EYS: variants seen among roughly 807,000 people sequenced by gnomAD.
EYS encodes EGF-like photoreceptor maintenance factor, also known as protein eyes shut homolog.
A neutral mutation model predicts 282.1 loss-of-function variants in EYS; 250 were observed. The observed-to-expected ratio is 0.89, with a 90% CI of 0.80 to 0.98. The LOEUF is 0.98. Ranked by LOEUF, EYS falls within the 50% of genes least tolerant of loss-of-function variation. EYS has a pLI of 0.00. For missense variants in EYS, 4,016 were observed against 3,709.0 expected, an observed-to-expected ratio of 1.08 and a Z score of -2.15; for synonymous variants, 1,355 against 1,282.9, an observed-to-expected ratio of 1.06 and a Z score of -1.20.
At chr6:64,337,771 A>G (rs1044216153) in intron 29 of EYS, among the ~76,000 whole-genome samples, 11 of 152,070 alleles carry the variant, frequency 7.2e-5, no homozygotes, top group Admixed American at 6.6e-4. Flanking sequence ...TATCAAAAAG[A>G]TAATCCACCA....
At chr6:64,703,576 G>T (rs2149926701) in intron 22 of EYS, among the ~76,000 whole-genome samples, 1 of 151,224 alleles carries the variant, frequency 6.6e-6, no homozygotes, top group South Asian at 2.1e-4. Flanking sequence ...GGGACTACAG[G>T]TGTGCACCAC....
At chr6:64,742,090 T>C (rs1344299260) in intron 22 of EYS, among the ~76,000 whole-genome samples, 1 of 152,232 alleles carries the variant, frequency 6.6e-6, no homozygotes, top group Admixed American at 6.5e-5. Flanking sequence ...ATTTCTAGCT[T>C]TTGAGTTAAA....
At chr6:64,593,725 G>C (rs978045488) in intron 24 of EYS, among the ~76,000 whole-genome samples, 1 of 152,060 alleles carries the variant, frequency 6.6e-6, no homozygotes, top group Non-Finnish European at 1.5e-5. Flanking sequence ...ATCTGCAACA[G>C]AAAATTTGAA....
intron 10 of EYS, 111 bp from the exon 11 acceptor site, chr6:65,335,257 C>A: frequency 1.2e-6 from 1 of 806,236 alleles, no homozygotes; most frequent in South Asian, 1.4e-5. Flanking sequence ...TAAGATGAAA[C>A]CTAGGGTTAA....
At chr6:64,963,472 C>T (rs77233219) in intron 14 of EYS, among the ~76,000 whole-genome samples, 6,177 of 152,154 alleles carry the variant, frequency 0.041, 142 homozygotes, top group South Asian at 0.087. Flanking sequence ...GATAATCCAA[C>T]GACTTGAATA....
chr6:64,250,213 A>G (rs1163061682), intron 30 of EYS, among the ~76,000 whole-genome samples: 1 of 152,188 alleles, frequency 6.6e-6, no homozygotes, highest in African/African-American at 2.4e-5. Context: ...GCAATTTAGA[A>G]AAGTGGAAAC....
At chr6:64,265,518 G>T (rs1159563888) in intron 30 of EYS, among the ~76,000 whole-genome samples, 1 of 152,158 alleles carries the variant, frequency 6.6e-6, no homozygotes, top group Non-Finnish European at 1.5e-5. Context: ...AACGTCTAGA[G>T]AAGAATTGCT....
chr6:63,770,064 T>C (rs895247066), intron 40 of EYS, among the ~76,000 whole-genome samples: 4 of 152,050 alleles, frequency 2.6e-5, no homozygotes, highest in Non-Finnish European at 5.9e-5. Flanking sequence ...GAATAATGTA[T>C]TTGTATGAAA....
intron 28 of EYS, among the ~76,000 whole-genome samples, chr6:64,415,938 T>G (rs559389585): frequency 5.0e-4 from 76 of 152,328 alleles, no homozygotes; most frequent in Admixed American, 4.2e-3. Context: ...TTATAGAAAC[T>G]ATCACAGAGA....
chr6:64,677,654 G>C (rs867911904), intron 22 of EYS, among the ~76,000 whole-genome samples: 26 of 151,834 alleles, frequency 1.7e-4, no homozygotes, highest in African/African-American at 6.1e-4. Flanking sequence ...TTACTATGTT[G>C]GTTTATGAAA....
intron 7 of EYS, among the ~76,000 whole-genome samples, chr6:65,389,259 C>T (rs577032600): frequency 7.2e-5 from 11 of 152,188 alleles, no homozygotes; most frequent in African/African-American, 2.4e-4. Context: ...TCTAAAGCTG[C>T]CCCAGATTCT....
chr6:64,999,982 G>A (rs958405763), intron 13 of EYS, among the ~76,000 whole-genome samples: 5 of 152,162 alleles, frequency 3.3e-5, no homozygotes, highest in African/African-American at 1.2e-4. Flanking sequence ...AAGAACCCAG[G>A]ATACAGAAAG....
intron 29 of EYS, among the ~76,000 whole-genome samples, chr6:64,324,799 G>A (rs1247439597): frequency 6.6e-6 from 1 of 151,976 alleles, no homozygotes; most frequent in Non-Finnish European, 1.5e-5. Flanking sequence ...TATAAAAATC[G>A]GTATATTTCT....
intron 7 of EYS, among the ~76,000 whole-genome samples, chr6:65,401,888 A>C (rs2150363348): frequency 6.6e-6 from 1 of 152,044 alleles, no homozygotes; most frequent in African/African-American, 2.4e-5. Flanking sequence ...AAGAGTATAA[A>C]TTGTATTTCT....
At chr6:64,971,815 A>G (rs144611242) in intron 14 of EYS, among the ~76,000 whole-genome samples, 1 of 152,174 alleles carries the variant, frequency 6.6e-6, no homozygotes, top group Non-Finnish European at 1.5e-5. Flanking sequence ...TAGAGAGAAC[A>G]TCATGAAATT....
At chr6:65,020,432 C>T (rs998732432) in intron 13 of EYS, among the ~76,000 whole-genome samples, 2 of 152,170 alleles carry the variant, frequency 1.3e-5, no homozygotes, top group African/African-American at 4.8e-5. Flanking sequence ...TCTTAAAGTT[C>T]CAAAATGGTC....
rs532005129 is a variant in EYS, at chr6:63,765,057, G to T, written c.7899-2424C>A. ...TACTACTCTGCCCTGAGGAGGAGTA[G>T]ATTTTGTAGAAGTATGTGTGTGAGG... On this transcript the variant is annotated intron_variant, in intron 40 of 42. Coordinates refer to ENST00000503581, the MANE Select transcript of EYS (RefSeq NM_001142800.2). 7.5e-3 allele frequency among the ~76,000 whole-genome samples: 1,136 copies of T among 152,122 alleles called. 18 individuals are homozygous for T. The highest frequency in any genetic ancestry group is 0.026 in the African/African-American group (1,066 of 41,518).
intron 22 of EYS, among the ~76,000 whole-genome samples, chr6:64,635,325 G>A (rs561527840): frequency 9.9e-5 from 15 of 152,118 alleles, no homozygotes; most frequent in South Asian, 2.1e-4. Context: ...TCCTTCTCCC[G>A]CCTGATTGCC....
chr6:64,290,271 C>T (rs1482255304), intron 30 of EYS, among the ~76,000 whole-genome samples: 1 of 152,060 alleles, frequency 6.6e-6, no homozygotes, highest in East Asian at 1.9e-4. Flanking sequence ...CCCCAATATA[C>T]TGTGAGTTCC....
Sources: gnomAD v4.1 joint callset for allele counts (sites outside exome capture counted in the v4.1 genomes callset) on GRCh38, gnomAD v4.1.1 for gene constraint, MANE v1.5 for transcripts, NCBI Gene and HGNC (gene_info 2026-07-23, HGNC 2026-07-21) for gene names.